SCNN1B: variants seen among roughly 807,000 people sequenced by gnomAD.
SCNN1B encodes the protein sodium channel epithelial 1 subunit beta, also known as epithelial sodium channel subunit beta.
Under a neutral mutation model 65.3 loss-of-function variants are expected in SCNN1B, and 46 were observed. The ratio of observed to expected loss-of-function variants is 0.70; its 90% confidence interval spans 0.56 to 0.90. SCNN1B has a LOEUF of 0.90. Ranked by LOEUF, SCNN1B falls within the 40% of genes least tolerant of loss-of-function variation. The pLI is 0.00. For synonymous variants in SCNN1B, 349 were observed against 330.6 expected (o/e 1.06, Z -0.60); for missense variants, 751 against 830.5 (o/e 0.90, Z 1.18).
intron 11 of SCNN1B, among the ~76,000 whole-genome samples, chr16:23,379,715 A>G (rs1333852007): frequency 6.6e-6 from 1 of 152,114 alleles, no homozygotes; most frequent in East Asian, 1.9e-4. Context: ...GGGAGCTCAG[A>G]GCAGATCTTT....
At chr16:23,376,354 G>A (rs1400878327) in intron 8 of SCNN1B, among the ~76,000 whole-genome samples, 2 of 139,454 alleles carry the variant, frequency 1.4e-5, no homozygotes, top group Non-Finnish European at 3.2e-5. Context: ...ACGTGTGTGT[G>A]TGTGTGTGTG....
At chr16:23,378,911 A>G (rs1241542025) in intron 11 of SCNN1B, 144 bp downstream of exon 11, 2 of 738,974 alleles carry the variant, frequency 2.7e-6, no homozygotes, top group Non-Finnish European at 4.6e-6. Context: ...AGGCACTAGG[A>G]GTGAGAGAGA....
chr16:23,313,273 C>G (rs1961382591), intron 1 of SCNN1B, among the ~76,000 whole-genome samples: 1 of 152,126 alleles, frequency 6.6e-6, no homozygotes, highest in Non-Finnish European at 1.5e-5. Context: ...TTCTCTGGTC[C>G]CCTCCCCATC....
chr16:23,355,553 T>C, intron 4 of SCNN1B, 64 bp downstream of exon 4: 1 of 1,538,874 alleles, frequency 6.5e-7, no homozygotes, highest in Middle Eastern at 1.8e-4. Context: ...CATGTTACGG[T>C]TGGGAGCACA....
chr16:23,377,526 C>T, intron 10 of SCNN1B, 140 bp downstream of exon 10: 1 of 703,858 alleles, frequency 1.4e-6, no homozygotes, highest in Admixed American at 2.2e-5. Flanking sequence ...TCCCTCCTTC[C>T]TTCCTTCTTT....
intron 1 of SCNN1B, among the ~76,000 whole-genome samples, chr16:23,347,844 G>T (rs1282553035): frequency 1.3e-5 from 2 of 152,270 alleles, no homozygotes; most frequent in African/African-American, 4.8e-5. Flanking sequence ...GGGAGGTAGA[G>T]ATTGCAGTGA....
intron 1 of SCNN1B, among the ~76,000 whole-genome samples, chr16:23,329,113 C>T (rs1961756587): frequency 7.5e-6 from 1 of 134,028 alleles, no homozygotes; most frequent in South Asian, 2.4e-4. Flanking sequence ...TTATTATTAT[C>T]ATTATTATTA....
intron 4 of SCNN1B, among the ~76,000 whole-genome samples, chr16:23,367,288 TTTG>T (rs1334560012): frequency 9.2e-5 from 14 of 152,092 alleles, no homozygotes; most frequent in African/African-American, 2.4e-4. Flanking sequence ...CTTTTTCATT[TTTG>T]TTGTTGTTGT....
At chr16:23,343,498 G>GGAAGGAAGGAAGGAAGGAA in intron 1 of SCNN1B, among the ~76,000 whole-genome samples, 1 of 88,290 alleles carries the variant, frequency 1.1e-5, no homozygotes, top group African/African-American at 3.4e-5. Context: ...AAGGAAGGAA[G>GGAAGGAAGGAAGGAAGGAA]GAAGGAAGGA....
chr16:23,353,366 G>T (rs941267749), intron 3 of SCNN1B: 5 of 469,140 alleles, frequency 1.1e-5, no homozygotes, highest in African/African-American at 2.0e-5. Flanking sequence ...CTGGATCCAG[G>T]TATTCTAATG....
intron 2 of SCNN1B, among the ~76,000 whole-genome samples, chr16:23,292,085 G>A (rs373995330): frequency 6.6e-6 from 1 of 151,778 alleles, no homozygotes; most frequent in East Asian, 1.9e-4. Context: ...GCACCTCCAC[G>A]GCTTTCACCC....
At chr16:23,377,273 A>C in intron 9 of SCNN1B, 33 bp downstream of exon 9, 1 of 1,614,114 alleles carries the variant, frequency 6.2e-7, no homozygotes, top group South Asian at 1.1e-5. Flanking sequence ...AGCAGCGGGC[A>C]GGCATGGAGG....
chr16:23,315,681 G>A (rs1961439130), intron 1 of SCNN1B, among the ~76,000 whole-genome samples: 1 of 152,134 alleles, frequency 6.6e-6, no homozygotes, highest in African/African-American at 2.4e-5. Flanking sequence ...TGTGGCAACT[G>A]TAGTCTCAGC....
At chr16:23,371,719 C>T in intron 6 of SCNN1B, 57 bp from the exon 7 acceptor site, 3 of 1,400,282 alleles carry the variant, frequency 2.1e-6, no homozygotes, top group Non-Finnish European at 3.0e-6. Flanking sequence ...AAGGGAGGTG[C>T]AGAAAGGGCT....
chr16:23,314,711 C>A (rs781712935), intron 1 of SCNN1B, among the ~76,000 whole-genome samples: 15 of 152,214 alleles, frequency 9.9e-5, no homozygotes, highest in Non-Finnish European at 2.2e-4. Flanking sequence ...ATGCCAGGAA[C>A]CACCCTGGGT....
chr16:23,306,266 C>T (rs1355240461), intron 1 of SCNN1B, among the ~76,000 whole-genome samples: 1 of 151,662 alleles, frequency 6.6e-6, no homozygotes, highest in African/African-American at 2.4e-5. Flanking sequence ...ACCTATGTTT[C>T]AAGCAAATTG....
intron 1 of SCNN1B, among the ~76,000 whole-genome samples, chr16:23,340,932 ATG>A (rs1294708617): frequency 6.6e-6 from 1 of 151,950 alleles, no homozygotes; most frequent in East Asian, 1.9e-4. Context: ...GTACACATGC[ATG>A]TGTGTCTGAT....
In SCNN1B at chr16:23,367,918, C is replaced by G; in HGVS notation, c.839C>G (p.Thr280Arg). Residue 280 changes from threonine (T) to arginine (R), a missense_variant, in exon 5 of 13, where the codon ACA becomes AGA. Transcript: ENST00000343070. The part of the protein sequence containing the change: ...GNCYIFNWGM[T>R]EKALPSANPG... ...TGTTACATCTTCAACTGGGGCATGA[C>G]AGAGAAGGCACTTCCTTCGGCCAAC... 2 of 1,614,224 alleles carry G rather than the reference C, an allele frequency of 1.2e-6. No individual in the cohort carries two copies. Among genetic ancestry groups the G allele is most frequent in the Non-Finnish European group, 1.7e-6 (2 of 1,180,022 alleles).
chr16:23,369,484 G>A (rs1287841322), intron 5 of SCNN1B, among the ~76,000 whole-genome samples: 3 of 152,062 alleles, frequency 2.0e-5, no homozygotes, highest in African/African-American at 7.2e-5. Context: ...CCCCTCCCTC[G>A]GGGCTCATGT....
Sources: allele counts gnomAD v4.1 joint callset (sites outside exome capture counted in the v4.1 genomes callset), GRCh38; gene constraint gnomAD v4.1.1; transcripts MANE v1.5; gene names NCBI Gene and HGNC (gene_info 2026-07-23, HGNC 2026-07-21).